GBE1: variants seen among roughly 807,000 people sequenced by gnomAD.
GBE1 encodes the protein 1,4-alpha-glucan branching enzyme 1.
A neutral mutation model predicts 88.8 loss-of-function variants in GBE1; 70 were observed. The observed-to-expected ratio is 0.79, with a 90% confidence interval of 0.65 to 0.96. GBE1 has a LOEUF of 0.96. Among genes scored for constraint, GBE1 ranks in the 40% least tolerant of loss-of-function variants. GBE1 has a pLI of 0.00. For missense variants in GBE1, 872 were observed against 871.0 expected (o/e 1.00, Z -0.01); for synonymous variants, 284 against 300.1 (o/e 0.95, Z 0.56).
intron 1 of GBE1, among the ~76,000 whole-genome samples, chr3:81,731,145 C>T (rs1706179550): frequency 6.6e-6 from 1 of 152,102 alleles, no homozygotes; most frequent in African/African-American, 2.4e-5. Flanking sequence ...GCCCTGGGAA[C>T]CCAACCTCTA....
At chr3:81,559,648 A>T (rs1703393112) in intron 12 of GBE1, among the ~76,000 whole-genome samples, 1 of 151,876 alleles carries the variant, frequency 6.6e-6, no homozygotes, top group Non-Finnish European at 1.5e-5. Flanking sequence ...TGCACAGATG[A>T]TATACACTTG....
chr3:81,595,779 A>T (rs2106959874), intron 7 of GBE1, among the ~76,000 whole-genome samples: 1 of 152,140 alleles, frequency 6.6e-6, no homozygotes, highest in South Asian at 2.1e-4. Context: ...TGACCAAAAC[A>T]GGAAATAAAC....
intron 12 of GBE1, among the ~76,000 whole-genome samples, chr3:81,548,087 T>C (rs1395555598): frequency 6.6e-6 from 1 of 151,442 alleles, no homozygotes; most frequent in East Asian, 1.9e-4. Flanking sequence ...CCTTTCTGGT[T>C]TGATATCAGT....
chr3:81,526,263 C>A (rs916014866), intron 14 of GBE1, among the ~76,000 whole-genome samples: 1 of 151,984 alleles, frequency 6.6e-6, no homozygotes, highest in Non-Finnish European at 1.5e-5. Context: ...CAGCCAATAT[C>A]ATACTGAATG....
At chr3:81,608,752 G>A (rs774271457) in intron 7 of GBE1, among the ~76,000 whole-genome samples, 22 of 152,176 alleles carry the variant, frequency 1.4e-4, no homozygotes, top group Non-Finnish European at 2.6e-4. Flanking sequence ...AATGTGTCCA[G>A]TGCTTTATCC....
intron 7 of GBE1, among the ~76,000 whole-genome samples, chr3:81,617,974 T>G (rs1002372074): frequency 6.6e-6 from 1 of 152,048 alleles, no homozygotes; most frequent in East Asian, 1.9e-4. Context: ...CCATTTCATC[T>G]AAATTACCAA....
At position 81,628,770 on chromosome 3, in the gene GBE1, T is replaced by TAG. The variant is rs1704457754; in HGVS notation, c.992+14010_992+14011insCT. On this transcript the variant is annotated intron_variant, in intron 7 of 15. Coordinates refer to ENST00000429644, the MANE Select transcript of GBE1 (RefSeq NM_000158.4). Reference sequence around the variant, plus strand: ...ATATATATATATATATATATATATATATATATATATATAGCAACAGAGTAT... The same window carrying TAG: ...ATATATATATATATATATATATATATAGATATATATATATAGCAACAGAGTAT... Among the ~76,000 whole-genome samples, 4 of 116,454 alleles carry TAG rather than the reference T, an allele frequency of 3.4e-5. No homozygotes were observed. In the Admixed American group the frequency reaches 3.4e-4, roughly 10 times the overall value. The allele number at this position is 116,454 out of a possible 152,430, so 76.4% of individuals were successfully genotyped here.
chr3:81,562,449 T>C (rs1015246939), intron 12 of GBE1, among the ~76,000 whole-genome samples: 8 of 152,088 alleles, frequency 5.3e-5, no homozygotes, highest in African/African-American at 1.9e-4. Flanking sequence ...ATGCAGAGCC[T>C]ACATTTTGGA....
intron 7 of GBE1, among the ~76,000 whole-genome samples, chr3:81,629,355 A>G (rs905011056): frequency 6.6e-6 from 1 of 151,730 alleles, no homozygotes; most frequent in Non-Finnish European, 1.5e-5. Flanking sequence ...AAAGGACATG[A>G]ACTCATCATT....
chr3:81,492,979 G>A (rs1366726400), intron 15 of GBE1, among the ~76,000 whole-genome samples: 2 of 151,950 alleles, frequency 1.3e-5, no homozygotes, highest in Non-Finnish European at 2.9e-5. Context: ...CTCGTGATCT[G>A]CCTGCCTTGG....
chr3:81,498,265 G>A (rs1164808160), intron 15 of GBE1, among the ~76,000 whole-genome samples: 1 of 152,124 alleles, frequency 6.6e-6, no homozygotes, highest in African/African-American at 2.4e-5. Flanking sequence ...AAAGATGGAA[G>A]ACCTAGGGGT....
intron 3 of GBE1, among the ~76,000 whole-genome samples, chr3:81,669,076 A>G (rs1705153357): frequency 6.6e-6 from 1 of 152,170 alleles, no homozygotes; most frequent in Admixed American, 6.5e-5. Context: ...CTAAAAATCA[A>G]CCTTATGAGG....
At chr3:81,627,623 T>G (rs1420989043) in intron 7 of GBE1, among the ~76,000 whole-genome samples, 1 of 152,074 alleles carries the variant, frequency 6.6e-6, no homozygotes, top group Admixed American at 6.6e-5. Context: ...GTGTTGTTTA[T>G]GTGATACATC....
In GBE1 at chr3:81,726,331, T is replaced by C. The variant is rs3772892; in HGVS notation, c.144-20718A>G. Among the ~76,000 whole-genome samples, 1,005 of 152,182 alleles carry C rather than the reference T, an allele frequency of 6.6e-3. 23 individuals are homozygous for C. The highest frequency in any genetic ancestry group is 0.049 in the Admixed American group (744 of 15,278). The stretch of plus-strand genomic sequence containing the variant: ...TCAGTGCCACTGCTTTTAGTATTTA[T>C]TGTTTGTGAGCGTGGTTTTGAGAAT... On this transcript the variant is annotated intron_variant, in intron 1 of 15. Transcript: ENST00000429644.
intron 12 of GBE1, among the ~76,000 whole-genome samples, chr3:81,577,682 C>T (rs547448575): frequency 2.0e-5 from 3 of 152,036 alleles, no homozygotes; most frequent in Admixed American, 6.5e-5. Flanking sequence ...CAGGTAAGCC[C>T]GCTTGACAGC....
chr3:81,721,420 G>T (rs907124630), intron 1 of GBE1, among the ~76,000 whole-genome samples: 2 of 151,890 alleles, frequency 1.3e-5, no homozygotes, highest in Non-Finnish European at 2.9e-5. Context: ...TTTCAATTCT[G>T]TGATCCCAAA....
intron 14 of GBE1, among the ~76,000 whole-genome samples, chr3:81,509,070 C>G (rs1406640207): frequency 6.6e-6 from 1 of 152,074 alleles, no homozygotes; most frequent in Non-Finnish European, 1.5e-5. Flanking sequence ...AAATTGCTGT[C>G]TCAAGAGATG....
intron 14 of GBE1, among the ~76,000 whole-genome samples, chr3:81,521,444 C>T (rs1043959716): frequency 6.6e-6 from 1 of 151,468 alleles, no homozygotes; most frequent in South Asian, 2.1e-4. Context: ...TTGCTAAAGA[C>T]AGAAAATATA....
intron 2 of GBE1, among the ~76,000 whole-genome samples, chr3:81,679,529 A>C (rs1705308419): frequency 1.3e-5 from 2 of 152,198 alleles, no homozygotes; most frequent in South Asian, 2.1e-4. Flanking sequence ...TATTAGTTAC[A>C]TATGGTCCTT....
Sources: gnomAD v4.1 joint callset for allele counts (sites outside exome capture counted in the v4.1 genomes callset) on GRCh38, gnomAD v4.1.1 for gene constraint, MANE v1.5 for transcripts, NCBI Gene and HGNC (gene_info 2026-07-23, HGNC 2026-07-21) for gene names.